IQCM: variants seen among roughly 807,000 people sequenced by gnomAD.
IQCM encodes IQ motif containing M.
Under a neutral mutation model 57.6 loss-of-function variants are expected in IQCM, and 45 were observed. The observed-to-expected ratio is 0.78, with a 90% confidence interval of 0.62 to 1.00. The LOEUF (loss-of-function observed/expected upper bound fraction) is 1.00, where lower values mean the gene tolerates loss of function less well. Among genes scored for constraint, IQCM ranks in the 50% least tolerant of loss-of-function variants. The probability of loss-of-function intolerance (pLI) is 0.00; values close to 1 mark genes in which losing one functional copy is unlikely to be tolerated. For missense variants in IQCM, 468 were observed against 511.6 expected (o/e 0.91, Z 0.82); for synonymous variants, 148 against 158.9 (o/e 0.93, Z 0.51).
chr4:149,581,943 A>G (rs1445417854), intron 9 of IQCM, among the ~76,000 whole-genome samples: 1 of 151,544 alleles, frequency 6.6e-6, no homozygotes. Context: ...GGGGAGGGGC[A>G]AGGTGCTTTC....
At chr4:149,441,026 T>C (rs1241369983) in intron 12 of IQCM, among the ~76,000 whole-genome samples, 2 of 152,144 alleles carry the variant, frequency 1.3e-5, no homozygotes, top group Non-Finnish European at 2.9e-5. Flanking sequence ...CATTAATAGG[T>C]AATCATTTTC....
At chr4:149,357,875 T>C (rs1201175233) in intron 13 of IQCM, among the ~76,000 whole-genome samples, 1 of 152,194 alleles carries the variant, frequency 6.6e-6, no homozygotes, top group Non-Finnish European at 1.5e-5. Context: ...CATCTGGTCC[T>C]GGAATTTTTT....
intron 13 of IQCM, among the ~76,000 whole-genome samples, chr4:149,432,248 C>T (rs1734942122): frequency 1.3e-5 from 2 of 151,990 alleles, no homozygotes; most frequent in Admixed American, 1.3e-4. Context: ...CTTAGCCTTT[C>T]TAATAAGTGA....
chr4:149,807,512 G>C (rs1231110875), intron 2 of IQCM, among the ~76,000 whole-genome samples: 2 of 151,946 alleles, frequency 1.3e-5, no homozygotes, highest in South Asian at 2.1e-4. Context: ...CAGGACATCA[G>C]TCTGGGCAAA....
intron 8 of IQCM, among the ~76,000 whole-genome samples, chr4:149,609,005 T>A (rs1298171309): frequency 6.6e-6 from 1 of 151,206 alleles, no homozygotes; most frequent in African/African-American, 2.4e-5. Flanking sequence ...TGAGCCAGAC[T>A]GAAAAAACAA....
At chr4:149,658,502 T>C (rs749969467) in intron 7 of IQCM, among the ~76,000 whole-genome samples, 1 of 152,132 alleles carries the variant, frequency 6.6e-6, no homozygotes, top group Admixed American at 6.6e-5. Flanking sequence ...CGTGGTTCCA[T>C]AAGAATTTTA....
intron 7 of IQCM, among the ~76,000 whole-genome samples, chr4:149,625,637 A>G (rs935940961): frequency 2.6e-5 from 4 of 152,174 alleles, no homozygotes; most frequent in African/African-American, 7.2e-5. Context: ...ATGGGGCAGG[A>G]CATTTGTCAC....
chr4:149,742,879 T>C, intron 2 of IQCM, 140 bp from the exon 3 acceptor site: 1 of 394,156 alleles, frequency 2.5e-6, no homozygotes, highest in Non-Finnish European at 4.4e-6. Flanking sequence ...CTTCAATGCC[T>C]TCCCCTCCAA....
chr4:149,367,658 A>G (rs765720607), intron 13 of IQCM, among the ~76,000 whole-genome samples: 55 of 152,076 alleles, frequency 3.6e-4, no homozygotes, highest in Admixed American at 6.6e-4. Flanking sequence ...ATTTCCAGCA[A>G]TAAGATTTCC....
chr4:149,725,126 T>C lies in IQCM; in HGVS notation c.385+8118A>G, dbSNP rs550629579. The stretch of plus-strand genomic sequence containing the variant: ...TTACAAAGGATATTTGATACTATAA[T>C]TGTTACAGGGTATTCTTTAAGTTGA... On this transcript the variant is annotated intron_variant, in intron 5 of 13. Transcript: ENST00000636793. Among the ~76,000 whole-genome samples the C allele has an allele frequency of 2.6e-5, 4 of 152,276 alleles. 1 individual carries two copies. The South Asian group carries it at 8.3e-4, about 32-fold the overall frequency.
chr4:149,650,055 G>A lies in IQCM; in HGVS notation c.566-28811C>T, dbSNP rs1468232814. Reference sequence around the variant, plus strand: ...TCTACCAAAAGATAGTAGGCCCCATGTTATGGGGCCAAAATTATGTTGCCC... The same window carrying A: ...TCTACCAAAAGATAGTAGGCCCCATATTATGGGGCCAAAATTATGTTGCCC... On this transcript the variant is annotated intron_variant, in intron 7 of 13. Transcript: ENST00000636793. 2.0e-5 allele frequency among the ~76,000 whole-genome samples: 3 copies of A among 152,138 alleles called. No individual in the cohort carries two copies. The East Asian group carries it at 5.8e-4, about 29-fold the overall frequency.
chr4:149,788,723 A>G (rs1772302298), intron 2 of IQCM, among the ~76,000 whole-genome samples: 1 of 152,258 alleles, frequency 6.6e-6, no homozygotes, highest in Non-Finnish European at 1.5e-5. Flanking sequence ...TATTCACAAT[A>G]ACTAAGACAA....
intron 5 of IQCM, among the ~76,000 whole-genome samples, chr4:149,730,109 T>A (rs952920443): frequency 5.9e-5 from 9 of 152,222 alleles, no homozygotes; most frequent in East Asian, 1.9e-4. Flanking sequence ...TTATATAAGA[T>A]GCATCTCCAA....
At chr4:149,798,200 C>T (rs1364065964) in intron 2 of IQCM, among the ~76,000 whole-genome samples, 1 of 151,786 alleles carries the variant, frequency 6.6e-6, no homozygotes, top group African/African-American at 2.4e-5. Flanking sequence ...AGTAGGGGGA[C>T]AAAGTTAAGG....
intron 7 of IQCM, among the ~76,000 whole-genome samples, chr4:149,628,122 T>C (rs1337154015): frequency 1.3e-5 from 2 of 152,178 alleles, no homozygotes; most frequent in East Asian, 3.8e-4. Flanking sequence ...TACCAGGTTT[T>C]CAGTAATTTG....
chr4:149,429,927 G>T (rs552879044), intron 13 of IQCM: 25 of 1,049,998 alleles, frequency 2.4e-5, no homozygotes, highest in Middle Eastern at 3.5e-4. Flanking sequence ...AATGCCACTT[G>T]CATATTTCCT....
chr4:149,481,934 T>G (rs74756870), intron 12 of IQCM, among the ~76,000 whole-genome samples: 35 of 442 alleles, frequency 0.079, no homozygotes, highest in South Asian at 0.44. Flanking sequence ...TTTGGGGGGG[T>G]TGGTTTTCTT....
chr4:149,521,138 C>T (rs1167665339), intron 12 of IQCM, among the ~76,000 whole-genome samples: 2 of 152,178 alleles, frequency 1.3e-5, no homozygotes, highest in Admixed American at 6.5e-5. Context: ...GGTCACAGAC[C>T]CTCTTTAAAC....
intron 13 of IQCM, among the ~76,000 whole-genome samples, chr4:149,368,082 T>C (rs867294551): frequency 6.6e-6 from 1 of 152,050 alleles, no homozygotes; most frequent in Admixed American, 6.6e-5. Flanking sequence ...TTTGTTTATA[T>C]TATTTTTCAC....
Sources: allele counts gnomAD v4.1 joint callset (sites outside exome capture counted in the v4.1 genomes callset), GRCh38; gene constraint gnomAD v4.1.1; transcripts MANE v1.5; gene names NCBI Gene and HGNC (gene_info 2026-07-23, HGNC 2026-07-21).